Variants in ROBO1 observed in about 807,000 individuals in gnomAD.
ROBO1 encodes the protein roundabout guidance receptor 1, also known as roundabout homolog 1.
A neutral mutation model predicts 195.9 loss-of-function variants in ROBO1; 149 were observed. That is an observed-to-expected ratio of 0.76 (90% CI 0.67 to 0.87). ROBO1 has a LOEUF of 0.87. Ranked by LOEUF, ROBO1 falls within the 40% of genes least tolerant of loss-of-function variation. The probability of loss-of-function intolerance (pLI) is 0.00; values close to 1 mark genes in which losing one functional copy is unlikely to be tolerated. For synonymous variants in ROBO1, 816 were observed against 733.2 expected (o/e 1.11, Z -1.82); for missense variants, 1,933 against 2,068.3 (o/e 0.93, Z 1.27).
chr3:79,401,499 T>C (rs2037364456), intron 2 of ROBO1, among the ~76,000 whole-genome samples: 1 of 151,838 alleles, frequency 6.6e-6, no homozygotes, highest in African/African-American at 2.4e-5. Context: ...CCTTTGGGAA[T>C]GGCTAATGTC....
chr3:78,822,573 A>G (rs886922712), intron 4 of ROBO1, among the ~76,000 whole-genome samples: 1 of 152,240 alleles, frequency 6.6e-6, no homozygotes, highest in Non-Finnish European at 1.5e-5. Flanking sequence ...AAAGCAGATT[A>G]TAGATACTTT....
At chr3:78,654,196 T>C (rs912784522) in intron 18 of ROBO1, among the ~76,000 whole-genome samples, 1 of 152,206 alleles carries the variant, frequency 6.6e-6, no homozygotes, top group Non-Finnish European at 1.5e-5. Context: ...CGTTCAATGA[T>C]GAAGAAAACA....
intron 2 of ROBO1, among the ~76,000 whole-genome samples, chr3:79,272,757 A>G (rs2030679240): frequency 6.6e-6 from 1 of 152,092 alleles, no homozygotes; most frequent in South Asian, 2.1e-4. Context: ...TTCATCCCCC[A>G]CTTTAGCCCA....
chr3:79,048,252 C>T (rs2078630815), intron 3 of ROBO1, among the ~76,000 whole-genome samples: 1 of 152,112 alleles, frequency 6.6e-6, no homozygotes, highest in South Asian at 2.1e-4. Flanking sequence ...ACCATGCCAT[C>T]CCCATCCCGT....
At chr3:78,839,284 A>G (rs2106715968) in intron 4 of ROBO1, among the ~76,000 whole-genome samples, 1 of 152,228 alleles carries the variant, frequency 6.6e-6, no homozygotes, top group African/African-American at 2.4e-5. Context: ...CATTACATAT[A>G]ATGATGTATC....
At chr3:78,716,390 A>G (rs2081903445) in intron 7 of ROBO1, among the ~76,000 whole-genome samples, 1 of 151,950 alleles carries the variant, frequency 6.6e-6, no homozygotes, top group Non-Finnish European at 1.5e-5. Context: ...AGAGAGAATG[A>G]GTGCCAGCAG....
intron 4 of ROBO1, among the ~76,000 whole-genome samples, chr3:78,826,856 C>T (rs535484484): frequency 6.6e-6 from 1 of 152,260 alleles, no homozygotes; most frequent in East Asian, 1.9e-4. Context: ...ACATTGGGAC[C>T]TCAGCTGAAG....
At chr3:79,141,099 G>T (rs1456379146) in intron 2 of ROBO1, among the ~76,000 whole-genome samples, 1 of 152,116 alleles carries the variant, frequency 6.6e-6, no homozygotes, top group Non-Finnish European at 1.5e-5. Context: ...TTCAACATCT[G>T]TCCAATTTCT....
chr3:79,614,242 T>C (rs1030093133), intron 1 of ROBO1, among the ~76,000 whole-genome samples: 1 of 152,096 alleles, frequency 6.6e-6, no homozygotes, highest in African/African-American at 2.4e-5. Flanking sequence ...ACAGTGCTCA[T>C]TCTGGGCCAG....
intron 2 of ROBO1, among the ~76,000 whole-genome samples, chr3:79,225,539 T>C (rs2082212496): frequency 6.6e-6 from 1 of 152,156 alleles, no homozygotes. Context: ...TGTCTCCTTG[T>C]CTTAACTGAA....
At chr3:79,356,755 TGTA>T (rs1389645706) in intron 2 of ROBO1, among the ~76,000 whole-genome samples, 1 of 152,190 alleles carries the variant, frequency 6.6e-6, no homozygotes, top group Non-Finnish European at 1.5e-5. Context: ...TGTGCTAGTG[TGTA>T]GTTTGTATTT....
At chr3:78,628,612 C>T (rs1002689283) in intron 25 of ROBO1, among the ~76,000 whole-genome samples, 7 of 152,166 alleles carry the variant, frequency 4.6e-5, no homozygotes, top group Admixed American at 3.3e-4. Flanking sequence ...TCTCTACCAT[C>T]CACCTTGTTT....
chr3:79,491,926 A>C (rs1359601592), intron 2 of ROBO1, among the ~76,000 whole-genome samples: 1 of 152,076 alleles, frequency 6.6e-6, no homozygotes, highest in Non-Finnish European at 1.5e-5. Flanking sequence ...CCTTGTTATA[A>C]GGCATTTGAC....
At chr3:79,105,980 AT>A (rs2079771718) in intron 3 of ROBO1, among the ~76,000 whole-genome samples, 1 of 151,712 alleles carries the variant, frequency 6.6e-6, no homozygotes, top group Non-Finnish European at 1.5e-5. Context: ...TTTCTGTTAA[AT>A]TTAAAGTAAG....
intron 1 of ROBO1, among the ~76,000 whole-genome samples, chr3:79,672,063 A>G (rs554869616): frequency 6.6e-6 from 1 of 151,994 alleles, no homozygotes; most frequent in Non-Finnish European, 1.5e-5. Context: ...GGGTTACTTC[A>G]AGAATTAATT....
At chr3:78,828,931 A>G (rs879473842) in intron 4 of ROBO1, among the ~76,000 whole-genome samples, 7 of 152,202 alleles carry the variant, frequency 4.6e-5, no homozygotes, top group African/African-American at 7.2e-5. Flanking sequence ...TAGAAAAAAA[A>G]CTTTCATATA....
At chr3:78,713,736 C>A (rs2081825943) in intron 8 of ROBO1, among the ~76,000 whole-genome samples, 1 of 152,170 alleles carries the variant, frequency 6.6e-6, no homozygotes, top group Admixed American at 6.5e-5. Flanking sequence ...GTGACTTTGA[C>A]TTTCAAAAAC....
At chr3:79,429,220 A>G (rs920803188) in intron 2 of ROBO1, among the ~76,000 whole-genome samples, 32 of 152,164 alleles carry the variant, frequency 2.1e-4, no homozygotes, top group Non-Finnish European at 3.7e-4. Context: ...AGGGCCATAC[A>G]TACACTCCTT....
intron 2 of ROBO1, among the ~76,000 whole-genome samples, chr3:79,555,885 T>C (rs1942680493): frequency 6.6e-6 from 1 of 152,146 alleles, no homozygotes; most frequent in Non-Finnish European, 1.5e-5. Flanking sequence ...GGGAATTGCA[T>C]ATATCCTTCA....
Sources: gnomAD v4.1 joint callset for allele counts (sites outside exome capture counted in the v4.1 genomes callset) on GRCh38, gnomAD v4.1.1 for gene constraint, MANE v1.5 for transcripts, NCBI Gene and HGNC (gene_info 2026-07-23, HGNC 2026-07-21) for gene names.